The following FRAS1 variants were observed in gnomAD, a reference collection of about 807,000 sequenced individuals.
FRAS1 encodes extracellular matrix organizing protein FRAS1.
In FRAS1, 290 loss-of-function variants were observed where a neutral mutation model predicts 435.2. That is an observed-to-expected ratio of 0.67 (90% CI 0.61 to 0.73). The LOEUF is 0.73. Ranked by LOEUF, FRAS1 falls within the 30% of genes least tolerant of loss-of-function variation. The pLI is 0.00. For missense variants in FRAS1, 4,860 were observed against 5,001.5 expected (o/e 0.97, Z 0.85); for synonymous variants, 1,800 against 1,851.0 (o/e 0.97, Z 0.71).
At chr4:78,271,963 C>G (rs1578219189) in intron 9 of FRAS1, among the ~76,000 whole-genome samples, 1 of 152,208 alleles carries the variant, frequency 6.6e-6, no homozygotes, top group Non-Finnish European at 1.5e-5. Flanking sequence ...TCTCCACATC[C>G]TCTCCAGCAC....
At chr4:78,272,593 G>C (rs1363324343) in intron 9 of FRAS1, among the ~76,000 whole-genome samples, 1 of 152,074 alleles carries the variant, frequency 6.6e-6, no homozygotes, top group Non-Finnish European at 1.5e-5. Flanking sequence ...TCTTGTTTTT[G>C]TCACGTTTGT....
intron 20 of FRAS1, among the ~76,000 whole-genome samples, chr4:78,357,985 G>T (rs1411985732): frequency 6.6e-6 from 1 of 152,094 alleles, no homozygotes; most frequent in Non-Finnish European, 1.5e-5. Context: ...GTCTGATTTT[G>T]ATAGCTTTGG....
intron 14 of FRAS1, among the ~76,000 whole-genome samples, chr4:78,293,514 C>G (rs1198010665): frequency 6.6e-6 from 1 of 152,204 alleles, no homozygotes; most frequent in Non-Finnish European, 1.5e-5. Context: ...TTTCTCACCC[C>G]TCTTTTTCTT....
At chr4:78,281,459 G>A (rs1219933193) in intron 11 of FRAS1, 26 bp downstream of exon 11, 6 of 1,466,116 alleles carry the variant, frequency 4.1e-6, no homozygotes, top group South Asian at 4.0e-5. Context: ...TAACTTGCAC[G>A]TAGATCATTA....
intron 9 of FRAS1, among the ~76,000 whole-genome samples, chr4:78,274,229 C>A (rs1249660271): frequency 6.6e-6 from 1 of 152,102 alleles, no homozygotes; most frequent in Non-Finnish European, 1.5e-5. Context: ...GTCTTGCTAT[C>A]AGTCTATCAA....
chr4:78,472,845 CT>C (rs1323584429), intron 52 of FRAS1, among the ~76,000 whole-genome samples: 1 of 152,154 alleles, frequency 6.6e-6, no homozygotes, highest in Non-Finnish European at 1.5e-5. Flanking sequence ...CTCCTCTAGA[CT>C]TTTTTCAGGA....
At chr4:78,151,725 A>C (rs916520288) in intron 2 of FRAS1, among the ~76,000 whole-genome samples, 3 of 152,198 alleles carry the variant, frequency 2.0e-5, no homozygotes, top group Non-Finnish European at 4.4e-5. Flanking sequence ...GGTGTAATGC[A>C]GACTTACAAA....
intron 29 of FRAS1, among the ~76,000 whole-genome samples, chr4:78,398,532 T>C (rs937917739): frequency 9.2e-5 from 14 of 152,190 alleles, no homozygotes; most frequent in Admixed American, 1.3e-4. Flanking sequence ...GGGCAAGCCA[T>C]CTGGGAACAT....
Position 78,427,360 on chromosome 4 carries a change from G to T in FRAS1, c.4712-1735G>T, listed in dbSNP as rs1001003387. On this transcript the variant is annotated intron_variant, in intron 35 of 73. Transcript: ENST00000512123. ...GACTTCCCAGCCTTCATATGTGAAAGAAATAAATTCCTCTTCTCATAAATT... is the reference window on the plus strand; with the variant it reads ...GACTTCCCAGCCTTCATATGTGAAATAAATAAATTCCTCTTCTCATAAATT... 2.6e-4 allele frequency among the ~76,000 whole-genome samples: 40 copies of T among 152,146 alleles called. 1 individual carries two copies. Among genetic ancestry groups the T allele is most frequent in the Non-Finnish European group, 4.4e-5 (3 of 68,018 alleles).
chr4:78,245,685 T>C (rs912653729), intron 4 of FRAS1, among the ~76,000 whole-genome samples: 3 of 152,172 alleles, frequency 2.0e-5, no homozygotes, highest in African/African-American at 7.2e-5. Context: ...CCATGTTAAA[T>C]ACGAAAAAAT....
At chr4:78,281,519 G>T in intron 11 of FRAS1, 86 bp downstream of exon 11, 1 of 809,828 alleles carries the variant, frequency 1.2e-6, no homozygotes, top group Non-Finnish European at 1.9e-6. Flanking sequence ...GGGAAACTTA[G>T]GACCTTAGTA....
intron 2 of FRAS1, among the ~76,000 whole-genome samples, chr4:78,113,434 A>C (rs966495498): frequency 2.6e-5 from 4 of 152,178 alleles, no homozygotes; most frequent in African/African-American, 7.2e-5. Flanking sequence ...ACTAGTTTAC[A>C]GTCCCACCAA....
At chr4:78,230,319 T>C (rs1271689411) in intron 2 of FRAS1, among the ~76,000 whole-genome samples, 2 of 152,242 alleles carry the variant, frequency 1.3e-5, no homozygotes, top group Non-Finnish European at 2.9e-5. Flanking sequence ...AATTAACCTG[T>C]ATTTGCTCCT....
At chr4:78,058,489 C>CAT (rs1055931510) in intron 1 of FRAS1, among the ~76,000 whole-genome samples, 1 of 152,140 alleles carries the variant, frequency 6.6e-6, no homozygotes, top group African/African-American at 2.4e-5. Flanking sequence ...TCCTAAGAAA[C>CAT]ATACAGTCTT....
At chr4:78,374,037 G>T in intron 24 of FRAS1, 74 bp from the exon 25 acceptor site, 1 of 1,419,976 alleles carries the variant, frequency 7.0e-7, no homozygotes, top group Non-Finnish European at 9.5e-7. Flanking sequence ...GACATCTCAT[G>T]CTGCCTTTCC....
chr4:78,068,172 T>C (rs1283894376), intron 2 of FRAS1, among the ~76,000 whole-genome samples: 1 of 152,164 alleles, frequency 6.6e-6, no homozygotes, highest in Non-Finnish European at 1.5e-5. Flanking sequence ...CCTGCCTTCA[T>C]AGAGCTTGAA....
At chr4:78,231,190 C>T (rs185181010) in intron 2 of FRAS1, among the ~76,000 whole-genome samples, 6 of 152,018 alleles carry the variant, frequency 3.9e-5, no homozygotes, top group Admixed American at 2.6e-4. Context: ...CTCCTGACCT[C>T]GTGATTCACC....
intron 47 of FRAS1, among the ~76,000 whole-genome samples, chr4:78,463,021 T>G (rs1296031973): frequency 6.6e-6 from 1 of 152,176 alleles, no homozygotes; most frequent in Non-Finnish European, 1.5e-5. Flanking sequence ...CAAATCAATT[T>G]CAGGGCCAAA....
At chr4:78,462,777 C>A (rs1416383129) in intron 47 of FRAS1, among the ~76,000 whole-genome samples, 1 of 152,194 alleles carries the variant, frequency 6.6e-6, no homozygotes, top group Admixed American at 6.5e-5. Context: ...AGCACAGAAA[C>A]ATAAAATGCC....
Sources: gnomAD v4.1 joint callset for allele counts (sites outside exome capture counted in the v4.1 genomes callset) on GRCh38, gnomAD v4.1.1 for gene constraint, MANE v1.5 for transcripts, NCBI Gene and HGNC (gene_info 2026-07-23, HGNC 2026-07-21) for gene names.